TFG: variants seen among roughly 807,000 people sequenced by gnomAD.
TFG encodes trafficking from ER to golgi regulator, also known as protein TFG.
Under a neutral mutation model 51.4 loss-of-function variants are expected in TFG, and 22 were observed. The ratio of observed to expected loss-of-function variants is 0.43; its 90% confidence interval spans 0.31 to 0.61. The LOEUF is 0.61. TFG is among the 20% of genes least tolerant of loss of function. TFG has a pLI of 0.12. For missense variants in TFG, 419 were observed against 487.7 expected (o/e 0.86, Z 1.33); for synonymous variants, 187 against 165.6 (o/e 1.13, Z -0.99).
At position 100,748,321 on chromosome 3, in the gene TFG, C is replaced by T. The variant is rs1490621305; in HGVS notation, c.993C>T (p.Ala331=). Residue 331 remains alanine, a synonymous_variant, in exon 8 of 8, where the codon GCC becomes GCT. Coordinates refer to ENST00000240851, the MANE Select transcript of TFG (RefSeq NM_006070.6). The part of the protein sequence containing the change: ...ASNYPAQTYT[A]QTSQPTNYTV... Reference sequence around the variant, plus strand: ...ATTATCCTGCACAAACTTACACTGCCCAAACTTCTCAGCCTACTAATTATA... The same window carrying T: ...ATTATCCTGCACAAACTTACACTGCTCAAACTTCTCAGCCTACTAATTATA... 9.3e-6 allele frequency: 15 copies of T among 1,614,008 alleles called. No individual in the cohort carries two copies. Among genetic ancestry groups the T allele is most frequent in the Non-Finnish European group, 1.3e-5 (15 of 1,179,974 alleles).
intron 6 of TFG, among the ~76,000 whole-genome samples, chr3:100,742,031 G>C (rs1177823901): frequency 1.3e-5 from 2 of 152,066 alleles, no homozygotes; most frequent in African/African-American, 2.4e-5. Flanking sequence ...TCAAAACATT[G>C]CTTACTATAA....
Position 100,732,530 on chromosome 3 carries a change from A to G in TFG, c.438A>G (p.Glu146=), listed in dbSNP as rs1258206651. The change falls in exon 5 of 8, where the codon GAA becomes GAG. Residue 146 remains glutamate, a synonymous_variant. Transcript: ENST00000240851. ...CAGATACTGTGGATGGTAGGGAAGA[A>G]AAGTCTGCTTCTGATTCTTCTGGAA... ...PENDTVDGRE[E]KSASDSSGKQ... 11 of 1,611,014 alleles carry G rather than the reference A, an allele frequency of 6.8e-6. No individual in the cohort carries two copies. Among genetic ancestry groups the G allele is most frequent in the Non-Finnish European group, 9.3e-6 (11 of 1,178,854 alleles).
intron 3 of TFG, among the ~76,000 whole-genome samples, chr3:100,724,430 G>A (rs2095069282): frequency 6.6e-6 from 1 of 152,076 alleles, no homozygotes; most frequent in Non-Finnish European, 1.5e-5. Flanking sequence ...CAGGTGACAT[G>A]GACAGTATCC....
intron 3 of TFG, among the ~76,000 whole-genome samples, chr3:100,722,012 G>A (rs1028137790): frequency 6.6e-6 from 1 of 152,168 alleles, no homozygotes; most frequent in Non-Finnish European, 1.5e-5. Flanking sequence ...TTAGCCAGCT[G>A]TAGTGGTGTG....
chr3:100,717,646 A>T (rs1442121729), intron 2 of TFG, among the ~76,000 whole-genome samples: 2 of 148,280 alleles, frequency 1.3e-5, no homozygotes, highest in East Asian at 3.9e-4. Flanking sequence ...ATTTAAAAAA[A>T]TTTTTGTAGC....
At chr3:100,733,708 T>C (rs1366751672) in intron 5 of TFG, among the ~76,000 whole-genome samples, 1 of 152,174 alleles carries the variant, frequency 6.6e-6, no homozygotes, top group Admixed American at 6.5e-5. Context: ...CTGGTTAATA[T>C]GTTGTAGTGA....
intron 3 of TFG, among the ~76,000 whole-genome samples, chr3:100,726,133 C>T (rs933239298): frequency 6.6e-6 from 1 of 152,138 alleles, no homozygotes; most frequent in African/African-American, 2.4e-5. Context: ...TGTCTGTTGC[C>T]AAAGGCCTGA....
chr3:100,748,084 C>A, intron 7 of TFG, 65 bp from the exon 8 acceptor site: 1 of 1,524,512 alleles, frequency 6.6e-7, no homozygotes, highest in Non-Finnish European at 8.9e-7. Context: ...AACAGTAAGA[C>A]TAATTCTTTG....
At position 100,748,263 on chromosome 3, in the gene TFG, C is replaced by T; in HGVS notation, c.935C>T (p.Pro312Leu). The change falls in exon 8 of 8, where the codon CCT becomes CTT. Residue 312 changes from proline (P) to leucine (L), a missense_variant. Physicochemically the swap from Pro to Leu is moderately conservative, Grantham distance 98. Coordinates refer to ENST00000240851, the MANE Select transcript of TFG (RefSeq NM_006070.6). ...TTTTCTGGTCAGCCTCAACAACTGC[C>T]TGCTCAGCCGCCACAGCAGTACCAG... ...PAFSGQPQQL[P>L]AQPPQQYQAS... 6.2e-7 allele frequency: 1 copy of T among 1,614,114 alleles called. No individual in the cohort carries two copies. Among genetic ancestry groups the T allele is most frequent in the Admixed American group, 1.7e-5 (1 of 60,012 alleles).
chr3:100,740,268 G>A (rs1012390520), intron 6 of TFG, among the ~76,000 whole-genome samples: 1 of 152,118 alleles, frequency 6.6e-6, no homozygotes, highest in African/African-American at 2.4e-5. Flanking sequence ...GGTTTAGCTG[G>A]GTGATTTTGG....
intron 1 of TFG, among the ~76,000 whole-genome samples, chr3:100,712,811 G>C (rs2149056387): frequency 6.6e-6 from 1 of 152,312 alleles, no homozygotes; most frequent in South Asian, 2.1e-4. Context: ...TTTTAAATTA[G>C]ATGGTTAGGA....
chr3:100,712,926 G>A, intron 1 of TFG, among the ~76,000 whole-genome samples: 1 of 152,186 alleles, frequency 6.6e-6, no homozygotes, highest in East Asian at 1.9e-4. Context: ...TAGCAGGGGT[G>A]AGTGAAGAAG....
intron 6 of TFG, among the ~76,000 whole-genome samples, chr3:100,739,432 T>C (rs1358371797): frequency 2.0e-5 from 3 of 152,014 alleles, no homozygotes; most frequent in African/African-American, 7.2e-5. Context: ...CTTTTTCATA[T>C]AAAGCCAGTG....
At chr3:100,746,206 T>C (rs953351966) in intron 7 of TFG, among the ~76,000 whole-genome samples, 1 of 152,206 alleles carries the variant, frequency 6.6e-6, no homozygotes, top group African/African-American at 2.4e-5. Flanking sequence ...TGAAGAGATT[T>C]AGTCATCATT....
intron 1 of TFG, among the ~76,000 whole-genome samples, chr3:100,711,483 G>C (rs1020166911): frequency 2.0e-5 from 3 of 152,122 alleles, no homozygotes; most frequent in East Asian, 3.9e-4. Context: ...TTCAAAGCTG[G>C]AATTTTTTTC....
intron 3 of TFG, among the ~76,000 whole-genome samples, chr3:100,724,926 CAG>C (rs1264667845): frequency 2.6e-5 from 4 of 152,110 alleles, no homozygotes; most frequent in Non-Finnish European, 5.9e-5. Flanking sequence ...TTTTGTGAGG[CAG>C]AGTCTCTCAC....
At chr3:100,714,567 A>T (rs2095040435) in intron 2 of TFG, among the ~76,000 whole-genome samples, 1 of 151,192 alleles carries the variant, frequency 6.6e-6, no homozygotes, top group Admixed American at 6.6e-5. Context: ...TTTCACATAC[A>T]TTTTTTTTAC....
chr3:100,730,577 A>G (rs2095088759), intron 4 of TFG, among the ~76,000 whole-genome samples: 1 of 152,224 alleles, frequency 6.6e-6, no homozygotes, highest in Non-Finnish European at 1.5e-5. Flanking sequence ...CAAGAAAACC[A>G]TACATCAGAA....
chr3:100,736,922 A>C (rs376176495), intron 6 of TFG, among the ~76,000 whole-genome samples: 1 of 152,206 alleles, frequency 6.6e-6, no homozygotes, highest in Non-Finnish European at 1.5e-5. Flanking sequence ...ATACCTCAAA[A>C]AAGTGTTTCT....
Sources: allele counts gnomAD v4.1 joint callset (sites outside exome capture counted in the v4.1 genomes callset), GRCh38; gene constraint gnomAD v4.1.1; transcripts MANE v1.5; gene names NCBI Gene and HGNC (gene_info 2026-07-23, HGNC 2026-07-21).